The following KLHL8 variants were observed in gnomAD, a reference collection of about 807,000 sequenced individuals.
The protein encoded by KLHL8 is kelch like family member 8.
A neutral mutation model predicts 63.5 loss-of-function variants in KLHL8; 38 were observed. That is an observed-to-expected ratio of 0.60 (90% confidence interval 0.46 to 0.78). KLHL8 has a LOEUF of 0.78. Ranked by LOEUF, KLHL8 falls within the 30% of genes least tolerant of loss-of-function variation. KLHL8 has a pLI of 0.00. For synonymous variants in KLHL8, 224 were observed against 254.3 expected (o/e 0.88, Z 1.13); for missense variants, 566 against 752.4 (o/e 0.75, Z 2.90).
At chr4:87,200,324 G>A (rs1206760678) in intron 1 of KLHL8, among the ~76,000 whole-genome samples, 1 of 151,874 alleles carries the variant, frequency 6.6e-6, no homozygotes, top group African/African-American at 2.4e-5. Flanking sequence ...AACTGGTATG[G>A]TATTTGCATA....
intron 1 of KLHL8, among the ~76,000 whole-genome samples, chr4:87,202,106 C>CAA (rs879415755): frequency 1.5e-5 from 2 of 134,670 alleles, no homozygotes; most frequent in African/African-American, 2.7e-5. Flanking sequence ...ACTCCCTCTC[C>CAA]AAAAAAAAAA....
At chr4:87,234,844 G>T (rs1733200202) in intron 1 of KLHL8, among the ~76,000 whole-genome samples, 1 of 152,192 alleles carries the variant, frequency 6.6e-6, no homozygotes, top group African/African-American at 2.4e-5. Flanking sequence ...ATGTGGAGAT[G>T]AAGACAGTGA....
At chr4:87,185,873 G>A in intron 2 of KLHL8, 74 bp from the exon 3 acceptor site, 1 of 1,275,648 alleles carries the variant, frequency 7.8e-7, no homozygotes. Flanking sequence ...ACATGTGTTT[G>A]TAGCAGGGAC....
chr4:87,200,432 T>C (rs951670635), intron 1 of KLHL8, among the ~76,000 whole-genome samples: 2 of 152,210 alleles, frequency 1.3e-5, no homozygotes, highest in African/African-American at 2.4e-5. Context: ...ATGTAAATAG[T>C]TGTTATATTT....
chr4:87,187,642 T>C (rs1192614663), intron 2 of KLHL8, among the ~76,000 whole-genome samples: 1 of 152,090 alleles, frequency 6.6e-6, no homozygotes, highest in Non-Finnish European at 1.5e-5. Flanking sequence ...AGGTACCTGC[T>C]AGAAATGGGA....
At chr4:87,203,109 G>A (rs1322196215) in intron 1 of KLHL8, among the ~76,000 whole-genome samples, 1 of 152,152 alleles carries the variant, frequency 6.6e-6, no homozygotes, top group Non-Finnish European at 1.5e-5. Flanking sequence ...GTTATCTCCA[G>A]TGCAATAAAG....
At chr4:87,197,867 A>G (rs905991618) in intron 1 of KLHL8, among the ~76,000 whole-genome samples, 2 of 152,086 alleles carry the variant, frequency 1.3e-5, no homozygotes, top group Non-Finnish European at 2.9e-5. Flanking sequence ...CACAGAGTAG[A>G]TATTTTTGGC....
chr4:87,212,664 T>C (rs541622490), intron 1 of KLHL8, among the ~76,000 whole-genome samples: 1 of 152,196 alleles, frequency 6.6e-6, no homozygotes, highest in Non-Finnish European at 1.5e-5. Context: ...TGGTCCACAA[T>C]AGATGATGAT....
intron 1 of KLHL8, among the ~76,000 whole-genome samples, chr4:87,201,977 AG>A (rs767088737): frequency 2.1e-4 from 32 of 152,018 alleles, no homozygotes; most frequent in Non-Finnish European, 4.3e-4. Context: ...GCGTAGTGGC[AG>A]GTGCCTGTAG....
In KLHL8 at chr4:87,163,528, G is replaced by A; in HGVS notation, c.1854C>T (p.Asp618=). The A allele has an allele frequency of 6.2e-7, 1 of 1,614,034 alleles. No individual in the cohort carries two copies. The highest frequency in any genetic ancestry group is 1.1e-5 in the South Asian group (1 of 91,060). Residue 618 remains aspartate (D), a synonymous_variant, in exon 10 of 10, where the codon GAC becomes GAT. Transcript: ENST00000273963. The part of the protein sequence containing the change: ...DVGHGSNNVV[D]CM ...GTGGCCAGAACTCAAATCACATACAGTCAACCACATTATTGGATCCATGAC... is the reference window on the plus strand; with the variant it reads ...GTGGCCAGAACTCAAATCACATACAATCAACCACATTATTGGATCCATGAC...
intron 2 of KLHL8, among the ~76,000 whole-genome samples, 179 bp from the exon 3 acceptor site, chr4:87,185,978 C>T (rs1422301564): frequency 6.6e-6 from 1 of 151,996 alleles, no homozygotes; most frequent in African/African-American, 2.4e-5. Context: ...AGGTAATTTT[C>T]ATATTCCAAA....
At position 87,160,417 on chromosome 4, in the gene KLHL8, T is replaced by C. The variant is rs959170814; in HGVS notation, c.*3102A>G. 1 of 152,134 alleles carries C rather than the reference T, an allele frequency of 6.6e-6. No individual in the cohort carries two copies. The highest frequency in any genetic ancestry group is 6.5e-5 in the Admixed American group (1 of 15,282). 9.4% of individuals were successfully genotyped at this position (152,134 alleles called of 1,614,324 possible). A position where few individuals can be genotyped will look rare whatever the true frequency, so the allele number is the denominator to read the frequency against. On this transcript the variant is annotated 3_prime_UTR_variant, in exon 10 of 10. Transcript: ENST00000273963. ...CATGAATTAGATTCTAAAGGCATTC[T>C]TTAAGACATAGAGAAAAAAGAAACA... is the stretch of plus-strand genomic sequence containing the variant.
chr4:87,224,049 A>G (rs764134127), upstream of KLHL8, among the ~76,000 whole-genome samples: 9 of 151,970 alleles, frequency 5.9e-5, no homozygotes, highest in Admixed American at 1.3e-4. Context: ...TTTAACCCCA[A>G]TCAACATTTG....
chr4:87,180,259 G>A (rs1335867967), intron 4 of KLHL8, among the ~76,000 whole-genome samples: 1 of 152,164 alleles, frequency 6.6e-6, no homozygotes, highest in East Asian at 1.9e-4. Context: ...TCTAAGGTAG[G>A]TTAAGACTGT....
intron 6 of KLHL8, among the ~76,000 whole-genome samples, chr4:87,174,395 T>A (rs1267304937): frequency 7.2e-5 from 11 of 151,920 alleles, no homozygotes; most frequent in Admixed American, 7.2e-4. Context: ...TCTCATGCCT[T>A]AGCCTCCGCA....
intron 8 of KLHL8, chr4:87,167,628 C>G: frequency 4.3e-6 from 2 of 469,130 alleles, no homozygotes; most frequent in Non-Finnish European, 8.5e-6. Flanking sequence ...GCAGATGGCT[C>G]ATTCCTTCCC....
At chr4:87,194,266 C>A (rs540504728) in intron 2 of KLHL8, among the ~76,000 whole-genome samples, 1 of 152,310 alleles carries the variant, frequency 6.6e-6, no homozygotes, top group South Asian at 2.1e-4. Context: ...TTCATCCCCT[C>A]TGGAGGATGC....
chr4:87,239,636 C>G lies in KLHL8; in HGVS notation n.57+622G>C, dbSNP rs548465238. Among the ~76,000 whole-genome samples the G allele has an allele frequency of 9.9e-5, 15 of 152,150 alleles. No individual in the cohort carries two copies. The South Asian group carries it at 3.1e-3, about 32-fold the overall frequency. On this transcript the variant is annotated intron_variant and non_coding_transcript_variant, in intron 1 of 1. Transcript: ENST00000506274. ...CCCTTTCACCCTCCTTCAAATAATC[C>G]AGAACATATGCAAGAGGCAGCAGGT...
At chr4:87,206,993 C>G in intron 1 of KLHL8, 1 of 298,822 alleles carries the variant, frequency 3.3e-6, no homozygotes, top group Non-Finnish European at 6.5e-6. Flanking sequence ...GGTTTTTTCC[C>G]CCAATGAAAA....
Sources: gnomAD v4.1 joint callset for allele counts (sites outside exome capture counted in the v4.1 genomes callset) on GRCh38, gnomAD v4.1.1 for gene constraint, MANE v1.5 for transcripts, NCBI Gene and HGNC (gene_info 2026-07-23, HGNC 2026-07-21) for gene names.